Variants in SLC35H1 observed in about 807,000 individuals in gnomAD.
The protein encoded by SLC35H1 is ovarian cancer-overexpressed gene 1 protein.
the SLC35H1 span, chr20:46,346,359 G>C: frequency 3.9e-5 from 6 of 152,388 alleles, no homozygotes; most frequent in Non-Finnish European, 5.9e-5. Flanking sequence ...GGATGGCTGG[G>C]AGACCGGAGG....
At chr20:46,348,822 A>G in the SLC35H1 span, 1 of 152,232 alleles carries the variant, frequency 6.6e-6, no homozygotes, top group Non-Finnish European at 1.5e-5. Context: ...TTTCACTGGG[A>G]CAGCCACACC....
At chr20:46,351,042 ACCCGGCCGGCTTGCGGCG>A in the SLC35H1 span, 3 of 1,010,686 alleles carry the variant, frequency 3.0e-6, no homozygotes, top group Non-Finnish European at 4.3e-6. Flanking sequence ...AGGTCAGGGG[ACCCGGCCGGCTTGCGGCG>A]CTGTCCCGCC....
the SLC35H1 span, chr20:46,357,906 G>C: frequency 2.2e-6 from 2 of 911,590 alleles, no homozygotes; most frequent in Non-Finnish European, 3.3e-6. Context: ...TATGTGTGTA[G>C]GGCCCTTAGT....
the SLC35H1 span, chr20:46,352,211 G>A: frequency 6.2e-7 from 1 of 1,614,182 alleles, no homozygotes; most frequent in Non-Finnish European, 8.5e-7. Flanking sequence ...TTTCTCAGAT[G>A]TGGACAAATG....
the SLC35H1 span, chr20:46,357,572 G>A: frequency 6.3e-7 from 1 of 1,587,608 alleles, no homozygotes; most frequent in African/African-American, 1.4e-5. Flanking sequence ...CTCATCCTAT[G>A]GTTCCCCAGC....
the SLC35H1 span, chr20:46,348,056 GC>G: frequency 1.3e-5 from 2 of 151,894 alleles, no homozygotes. Flanking sequence ...GCACCGCGTT[GC>G]CATGGTGATG....
At chr20:46,354,378 A>C in the SLC35H1 span, among the ~76,000 whole-genome samples, 2 of 151,934 alleles carry the variant, frequency 1.3e-5, no homozygotes, top group East Asian at 3.8e-4. Context: ...AGCCTTTCTG[A>C]CTTGCCTGAT....
chr20:46,358,676 A>T, the SLC35H1 span: 1 of 1,551,542 alleles, frequency 6.4e-7, no homozygotes, highest in South Asian at 1.2e-5. Flanking sequence ...GCAGAGCCCC[A>T]GGCAGAGTCC....
chr20:46,361,467 G>T, the SLC35H1 span, among the ~76,000 whole-genome samples: 1 of 152,124 alleles, frequency 6.6e-6, no homozygotes, highest in South Asian at 2.1e-4. Flanking sequence ...ACCACCATCA[G>T]GCTCCTCCAA....
At chr20:46,348,551 G>GCT in the SLC35H1 span, 1 of 152,380 alleles carries the variant, frequency 6.6e-6, no homozygotes, top group South Asian at 2.1e-4. Flanking sequence ...GGGCAGAGGT[G>GCT]CAGGAGCCAG....
the SLC35H1 span, among the ~76,000 whole-genome samples, chr20:46,361,051 C>T: frequency 2.6e-5 from 4 of 152,150 alleles, no homozygotes. Context: ...CAATATATGC[C>T]CCGGCTCTGA....
the SLC35H1 span, chr20:46,358,766 G>C: frequency 2.0e-6 from 3 of 1,519,846 alleles, no homozygotes; most frequent in South Asian, 3.6e-5. Context: ...AAGGTCTGCT[G>C]CTGGGGAAAA....
the SLC35H1 span, chr20:46,354,740 TG>T: frequency 1.4e-6 from 1 of 716,844 alleles, no homozygotes; most frequent in Non-Finnish European, 2.4e-6. Context: ...TTTATCATGC[TG>T]GACCCCAAAC....
chr20:46,346,644 TG>T, the SLC35H1 span: 2 of 152,138 alleles, frequency 1.3e-5, no homozygotes, highest in African/African-American at 4.8e-5. Context: ...CAAAAAATGC[TG>T]TGGCGTAAAG....
the SLC35H1 span, chr20:46,354,814 T>C: frequency 5.1e-6 from 7 of 1,371,392 alleles, no homozygotes; most frequent in African/African-American, 1.4e-5. Context: ...TACCACTGTG[T>C]TGGGCTCAGG....
the SLC35H1 span, chr20:46,358,642 C>A: frequency 6.4e-7 from 1 of 1,556,712 alleles, no homozygotes. Context: ...GAGCTCTCTG[C>A]AGCTCCATGA....
At chr20:46,348,829 C>T in the SLC35H1 span, 1 of 152,252 alleles carries the variant, frequency 6.6e-6, no homozygotes, top group Admixed American at 6.5e-5. Context: ...GGGACAGCCA[C>T]ACCCTGGGTC....
At chr20:46,363,279 T>C in the SLC35H1 span, 1 of 152,232 alleles carries the variant, frequency 6.6e-6, no homozygotes, top group Non-Finnish European at 1.5e-5. Flanking sequence ...TCTTAAATCT[T>C]ACCCTACATA....
At chr20:46,354,579 GATA>G in the SLC35H1 span, among the ~76,000 whole-genome samples, 52 of 152,254 alleles carry the variant, frequency 3.4e-4, no homozygotes, top group Non-Finnish European at 6.3e-4. Context: ...CAAAATGGGG[GATA>G]ATAATAGTAC....
Sources: allele counts gnomAD v4.1 joint callset (sites outside exome capture counted in the v4.1 genomes callset), GRCh38; gene constraint gnomAD v4.1.1; transcripts MANE v1.5; gene names NCBI Gene and HGNC (gene_info 2026-07-23, HGNC 2026-07-21).